The following PLA2G4B variants were observed in gnomAD, a reference collection of about 807,000 sequenced individuals.
The protein encoded by PLA2G4B is phospholipase A2 group IVB.
In PLA2G4B, 122 loss-of-function variants were observed where a neutral mutation model predicts 95.8. The ratio of observed to expected loss-of-function variants is 1.27; its 90% CI spans 1.10 to 1.48. The LOEUF (loss-of-function observed/expected upper bound fraction) is 1.48. PLA2G4B is among the 40% of genes most tolerant of loss of function. The pLI is 0.00. For synonymous variants in PLA2G4B, 518 were observed against 421.5 expected, an observed-to-expected ratio of 1.23 and a Z score of -2.80; for missense variants, 1,158 against 996.2, an observed-to-expected ratio of 1.16 and a Z score of -2.19.
chr15:41,843,727 G>A lies in PLA2G4B; in HGVS notation c.795G>A (p.Gln265=), dbSNP rs147526006. 3 of 1,614,100 alleles carry A rather than the reference G, an allele frequency of 1.9e-6. No individual in the cohort carries two copies. The highest frequency in any genetic ancestry group is 2.5e-6 in the Non-Finnish European group (3 of 1,180,024). Residue 265 remains glutamine, a synonymous_variant, in exon 11 of 20, where the codon CAG becomes CAA. Coordinates refer to ENST00000458483, the MANE Select transcript of PLA2G4B (RefSeq NM_001114633.2). The stretch of plus-strand genomic sequence containing the variant: ...GCTTCGGGCCCTGTGCAGAGGAGCA[G>A]GCCTTCCTGAGCAGGAGGAAGCAGG... ...RLGFGPCAEE[Q]AFLSRRKQVV...
chr15:41,846,493 A>G (rs968718635), intron 17 of PLA2G4B, 111 bp downstream of exon 17: 3 of 1,510,896 alleles, frequency 2.0e-6, no homozygotes, highest in South Asian at 1.3e-5. Context: ...GATTCCCTGG[A>G]CTACTTGGAA....
Position 41,841,819 on chromosome 15 carries a change from C to A in PLA2G4B, c.491C>A (p.Ser164Tyr), listed in dbSNP as rs780300845. The A allele has an allele frequency of 6.2e-7, 1 of 1,613,208 alleles. No individual in the cohort carries two copies. Among genetic ancestry groups the A allele is most frequent in the Non-Finnish European group, 8.5e-7 (1 of 1,179,694 alleles). Reference sequence around the variant, plus strand: ...TCTCTGCTCTGGTTCCTGTTTCCAGCCTCAGAGCACAGAGTTCAGCTTGTG... The same window carrying A: ...TCTCTGCTCTGGTTCCTGTTTCCAGACTCAGAGCACAGAGTTCAGCTTGTG... ...VQLEETGDQK[S>Y]SEHRVQLVVP... is the part of the protein sequence containing the mutation. Residue 164 changes from serine (S) to tyrosine (Y), a missense_variant and splice_region_variant, in exon 8 of 20, where the codon TCC becomes TAC. Physicochemically the swap from Ser to Tyr is moderately radical, Grantham distance 144 (BLOSUM62 -2). Transcript: ENST00000458483.
At chr15:41,846,515 T>A in intron 17 of PLA2G4B, 133 bp downstream of exon 17, 1 of 1,504,720 alleles carries the variant, frequency 6.6e-7, no homozygotes, top group African/African-American at 1.4e-5. Context: ...AGGGGTCTTT[T>A]TCTCCTTGTC....
chr15:41,842,315 G>A, intron 9 of PLA2G4B, 39 bp downstream of exon 9: 1 of 1,611,590 alleles, frequency 6.2e-7, no homozygotes, highest in East Asian at 2.2e-5. Flanking sequence ...GCGCCTGGAT[G>A]GGGCTGGGAC....
intron 18 of PLA2G4B, among the ~76,000 whole-genome samples, chr15:41,847,052 C>T (rs916392401): frequency 6.6e-6 from 1 of 152,172 alleles, no homozygotes; most frequent in Non-Finnish European, 1.5e-5. Flanking sequence ...CCTTTACTGA[C>T]CTGCGAGGTG....
At position 41,844,877 on chromosome 15, in the gene PLA2G4B, A is replaced by G. The variant is rs981438860; in HGVS notation, c.1046A>G (p.Glu349Gly). 6.2e-7 allele frequency: 1 copy of G among 1,610,148 alleles called. No individual in the cohort carries two copies. Among genetic ancestry groups the G allele is most frequent in the Non-Finnish European group, 8.5e-7 (1 of 1,178,582 alleles). Residue 349 changes from glutamate to glycine, a missense_variant, in exon 13 of 20, where the codon GAG becomes GGG. Transcript: ENST00000458483. Reference protein sequence around the residue: ...WALANLYEDPEWSQKDLAGPT... With the variant: ...WALANLYEDPGWSQKDLAGPT... The stretch of plus-strand genomic sequence containing the variant: ...TTGGCCAACCTTTATGAGGACCCAG[A>G]GTGGTCTCAGAAGGACCTGGCAGGG...
At position 41,845,687 on chromosome 15, in the gene PLA2G4B, C is replaced by T. The variant is rs1377584666; in HGVS notation, c.1407C>T (p.Ala469=). Residue 469 remains alanine (A), a synonymous_variant, in exon 15 of 20, where the codon GCC becomes GCT. Transcript: ENST00000458483. ...PYEVGFPKYG[A]FIPSELFGSE... ...AGGTCGGCTTCCCCAAGTACGGGGC[C>T]TTCATCCCCTCTGAGCTCTTTGGCT... 3.7e-6 allele frequency: 6 copies of T among 1,614,002 alleles called. No homozygotes were observed. Among genetic ancestry groups the T allele is most frequent in the Non-Finnish European group, 5.1e-6 (6 of 1,180,012 alleles).
chr15:41,843,380 G>GT (rs1431837126), intron 10 of PLA2G4B, among the ~76,000 whole-genome samples: 1 of 146,576 alleles, frequency 6.8e-6, no homozygotes, highest in African/African-American at 2.8e-5. Flanking sequence ...GAGACTTGGA[G>GT]GGGGGGGATC....
intron 11 of PLA2G4B, among the ~76,000 whole-genome samples, 172 bp from the exon 12 acceptor site, chr15:41,844,299 G>A (rs868589847): frequency 7.9e-5 from 12 of 152,234 alleles, no homozygotes; most frequent in African/African-American, 2.9e-4. Flanking sequence ...GAGGAGCTGG[G>A]CACTCAAAAG....
rs1010454389 is a variant in PLA2G4B, at chr15:41,839,008, G to C, written c.9+86G>C. On this transcript the variant is annotated intron_variant, in intron 1 of 19. Transcript: ENST00000458483. Reference sequence around the variant, plus strand: ...TTAATATGTTTCTTATGGGAGCTGTGGTCTTCTCCAGGGGTAGGGAGGGGA... The same window carrying C: ...TTAATATGTTTCTTATGGGAGCTGTCGTCTTCTCCAGGGGTAGGGAGGGGA... The C allele has an allele frequency of 3.4e-6, 4 of 1,172,722 alleles. No homozygotes were observed. The Admixed American group carries it at 9.3e-5, about 27-fold the overall frequency. 72.6% of individuals were successfully genotyped at this position (1,172,722 alleles called of 1,614,324 possible). A position where few individuals can be genotyped will look rare whatever the true frequency, so the allele number is the denominator to read the frequency against.
chr15:41,842,841 T>C lies in PLA2G4B; in HGVS notation c.743+250T>C, dbSNP rs1567170428. On this transcript the variant is annotated intron_variant, in intron 10 of 19. Coordinates refer to ENST00000458483, the MANE Select transcript of PLA2G4B (RefSeq NM_001114633.2). The stretch of plus-strand genomic sequence containing the variant: ...ACCCGGGGAGCACTTGATAAATGTT[T>C]GGCTGGAAAACGCAGGGAGGCAAGG... 7.9e-6 allele frequency: 4 copies of C among 503,282 alleles called. No homozygotes were observed. In the Admixed American group the frequency reaches 1.6e-4, roughly 20 times the overall value. 31.2% of individuals were successfully genotyped at this position (503,282 alleles called of 1,614,324 possible).
intron 2 of PLA2G4B, 83 bp from the exon 3 acceptor site, chr15:41,840,441 G>A (rs1430573580): frequency 6.2e-7 from 1 of 1,607,028 alleles, no homozygotes; most frequent in Non-Finnish European, 8.5e-7. Flanking sequence ...AACCCACATG[G>A]GGCTCTAGGT....
chr15:41,845,599 G>T (rs1487957979), intron 14 of PLA2G4B, 39 bp from the exon 15 acceptor site: 4 of 1,612,016 alleles, frequency 2.5e-6, no homozygotes, highest in Non-Finnish European at 3.4e-6. Context: ...GGTGCCTAAG[G>T]GCTCTGCACC....
rs186665760 is a variant in PLA2G4B, at chr15:41,844,467, C to G, written c.880-4C>G. The G allele has an allele frequency of 3.3e-4, 532 of 1,614,146 alleles. 2 individuals are homozygous for G. In the African/African-American group the frequency reaches 6.3e-3, roughly 19 times the overall value. On this transcript the variant is annotated splice_polypyrimidine_tract_variant and splice_region_variant and intron_variant, in intron 11 of 19. Transcript: ENST00000458483. The stretch of plus-strand genomic sequence containing the variant: ...TCTACAGGCCTGGCTCTCTTCTTTT[C>G]CAGATCCCAGTGGTAGCTATTATGG...
In PLA2G4B at chr15:41,844,835, TG is replaced by T; in HGVS notation, c.1017-11del. On this transcript the variant is annotated splice_polypyrimidine_tract_variant and intron_variant, in intron 12 of 19. Coordinates refer to ENST00000458483, the MANE Select transcript of PLA2G4B (RefSeq NM_001114633.2). ...AGTGACAGCCCTCTGGCTTTGGCTT[TG>T]GCTTTTCCCAGGGCCTTGGCCAACC... The T allele has an allele frequency of 1.3e-6, 2 of 1,586,798 alleles. No homozygotes were observed. The highest frequency in any genetic ancestry group is 1.7e-6 in the Non-Finnish European group (2 of 1,167,976).
At chr15:41,841,307 G>A (rs779668927) in intron 6 of PLA2G4B, 34 bp downstream of exon 6, 2 of 1,611,558 alleles carry the variant, frequency 1.2e-6, no homozygotes, top group African/African-American at 2.7e-5. Flanking sequence ...GGCGGTCTGG[G>A]GTCCCCGGGA....
chr15:41,841,881 G>A lies in PLA2G4B; in HGVS notation c.553G>A (p.Val185Met). 1 of 1,613,414 alleles carries A rather than the reference G, an allele frequency of 6.2e-7. No homozygotes were observed. The highest frequency in any genetic ancestry group is 8.5e-7 in the Non-Finnish European group (1 of 1,179,872). ...GSCEGPQEAS[V>M]GTGTFRFHCP... ...CTGTGAGGGTCCGCAGGAGGCCTCTGTGGGCACTGGCACCTTCCGCTTCCA... is the reference window on the plus strand; with the variant it reads ...CTGTGAGGGTCCGCAGGAGGCCTCTATGGGCACTGGCACCTTCCGCTTCCA... Residue 185 changes from valine to methionine, a missense_variant, in exon 8 of 20, where the codon GTG (valine) becomes ATG (methionine). Coordinates refer to ENST00000458483, the MANE Select transcript of PLA2G4B (RefSeq NM_001114633.2).
rs1230176340 is a variant in PLA2G4B, at chr15:41,847,967, C to T, written c.*107C>T. On this transcript the variant is annotated 3_prime_UTR_variant, in exon 20 of 20. Coordinates refer to ENST00000458483, the MANE Select transcript of PLA2G4B (RefSeq NM_001114633.2). ...TTCAGAGCCTCGGGCTCAGGTGGCACGGTCCCAGGGTCCAGGCTGAGGGCT... is the reference window on the plus strand; with the variant it reads ...TTCAGAGCCTCGGGCTCAGGTGGCATGGTCCCAGGGTCCAGGCTGAGGGCT... 6 of 1,434,520 alleles carry T rather than the reference C, an allele frequency of 4.2e-6. 1 individual carries two copies. The highest frequency in any genetic ancestry group is 5.0e-5 in the East Asian group (2 of 40,266). The allele number at this position is 1,434,520 out of a possible 1,614,324, so 88.9% of individuals were successfully genotyped here.
chr15:41,845,685 G>T lies in PLA2G4B; in HGVS notation c.1405G>T (p.Ala469Ser). Residue 469 changes from alanine to serine, a missense_variant, in exon 15 of 20, where the codon GCC becomes TCC. By Grantham distance (99) the Ala-to-Ser change is moderately conservative. Coordinates refer to ENST00000458483, the MANE Select transcript of PLA2G4B (RefSeq NM_001114633.2). ...PYEVGFPKYG[A>S]FIPSELFGSE... is the part of the protein sequence containing the mutation. ...CGAGGTCGGCTTCCCCAAGTACGGGGCCTTCATCCCCTCTGAGCTCTTTGG... is the reference window on the plus strand; with the variant it reads ...CGAGGTCGGCTTCCCCAAGTACGGGTCCTTCATCCCCTCTGAGCTCTTTGG... 6.2e-7 allele frequency: 1 copy of T among 1,614,144 alleles called. No homozygotes were observed. Among genetic ancestry groups the T allele is most frequent in the East Asian group, 2.2e-5 (1 of 44,892 alleles).
Sources: allele counts gnomAD v4.1 joint callset (sites outside exome capture counted in the v4.1 genomes callset), GRCh38; gene constraint gnomAD v4.1.1; transcripts MANE v1.5; gene names NCBI Gene and HGNC (gene_info 2026-07-23, HGNC 2026-07-21).